The following SCAI variants were observed in gnomAD, a reference collection of about 807,000 sequenced individuals.
The protein encoded by SCAI is protein SCAI.
A neutral mutation model predicts 92.2 loss-of-function variants in SCAI; 24 were observed. That is an observed-to-expected ratio of 0.26 (90% confidence interval 0.19 to 0.37). SCAI has a LOEUF of 0.37. SCAI is among the 10% of genes least tolerant of loss of function. The probability of loss-of-function intolerance (pLI) is 1.00; values close to 1 mark genes in which losing one functional copy is unlikely to be tolerated. For synonymous variants in SCAI, 261 were observed against 258.6 expected (o/e 1.01, Z -0.09); for missense variants, 450 against 736.2 (o/e 0.61, Z 4.50).
At chr9:125,004,329 CT>C (rs563470435) in intron 9 of SCAI, among the ~76,000 whole-genome samples, 27,778 of 134,184 alleles carry the variant, frequency 0.21, 2,580 homozygotes, top group African/African-American at 0.28. Context: ...AGCCCAAATT[CT>C]TTTTTTTTTT....
chr9:124,979,921 G>C (rs181683276), intron 14 of SCAI, among the ~76,000 whole-genome samples: 1 of 151,890 alleles, frequency 6.6e-6, no homozygotes, highest in East Asian at 1.9e-4. Context: ...ATGGTGGCAG[G>C]TGCCTGTAGT....
In SCAI at chr9:125,084,818, T is replaced by C. The variant is rs903122529; in HGVS notation, c.99-28811A>G. Among the ~76,000 whole-genome samples, 4 of 152,310 alleles carry C rather than the reference T, an allele frequency of 2.6e-5. No individual in the cohort carries two copies. In the South Asian group the frequency reaches 8.3e-4, roughly 32 times the overall value. On this transcript the variant is annotated intron_variant, in intron 2 of 17. Coordinates refer to ENST00000336505, the MANE Select transcript of SCAI (RefSeq NM_001144877.3). ...ATTAAAAAGGGGTTATAACATGAGA[T>C]CACCACAACTTTTATTGTTCTTTAT...
At chr9:125,063,680 C>G (rs975004359) in intron 2 of SCAI, among the ~76,000 whole-genome samples, 1 of 144,376 alleles carries the variant, frequency 6.9e-6, no homozygotes, top group African/African-American at 2.5e-5. Flanking sequence ...AAGTCCCCCT[C>G]AAAAAAAAAA....
rs374652324 is a variant in SCAI, at chr9:125,104,816, G to T, written c.98+37817C>A. On this transcript the variant is annotated intron_variant, in intron 2 of 17. Coordinates refer to ENST00000336505, the MANE Select transcript of SCAI (RefSeq NM_001144877.3). ...CTACTAAAAATACAAAAATTAGCCAGGCATGGCAGTGGGCACCTGTAATCC... is the reference window on the plus strand; with the variant it reads ...CTACTAAAAATACAAAAATTAGCCATGCATGGCAGTGGGCACCTGTAATCC... Among the ~76,000 whole-genome samples, 30 of 152,162 alleles carry T rather than the reference G, an allele frequency of 2.0e-4. No individual in the cohort carries two copies. In the East Asian group the frequency reaches 5.2e-3, roughly 26 times the overall value.
At chr9:124,976,013 C>T (rs1018035546) in intron 15 of SCAI, 101 bp downstream of exon 15, 9 of 762,708 alleles carry the variant, frequency 1.2e-5, no homozygotes, top group African/African-American at 1.7e-5. Context: ...TAAATCCACA[C>T]GCGATCATTA....
intron 2 of SCAI, among the ~76,000 whole-genome samples, chr9:125,081,304 T>C (rs1354718314): frequency 6.6e-6 from 1 of 152,212 alleles, no homozygotes; most frequent in East Asian, 1.9e-4. Flanking sequence ...TAGAGACTTG[T>C]TGAATGGCTT....
chr9:125,016,210 T>G (rs912377874), intron 9 of SCAI, among the ~76,000 whole-genome samples: 2 of 142,500 alleles, frequency 1.4e-5, no homozygotes, highest in African/African-American at 2.6e-5. Context: ...TAAAATAAAA[T>G]AATAAATACA....
At chr9:125,137,714 C>T (rs1835569929) in intron 2 of SCAI, among the ~76,000 whole-genome samples, 1 of 152,192 alleles carries the variant, frequency 6.6e-6, no homozygotes, top group Non-Finnish European at 1.5e-5. Context: ...GATTCTCTGG[C>T]CTCAGCCTCC....
intron 3 of SCAI, among the ~76,000 whole-genome samples, chr9:125,047,182 C>T (rs554497812): frequency 1.3e-5 from 2 of 152,024 alleles, no homozygotes; most frequent in Non-Finnish European, 2.9e-5. Flanking sequence ...AAAAAGAAGC[C>T]TTTAGGGAAG....
At chr9:125,085,073 A>G (rs1373102611) in intron 2 of SCAI, among the ~76,000 whole-genome samples, 1 of 152,174 alleles carries the variant, frequency 6.6e-6, no homozygotes, top group Non-Finnish European at 1.5e-5. Flanking sequence ...AAAAGTAACC[A>G]CTTTTTATTA....
chr9:124,948,206 A>T lies in SCAI; in HGVS notation c.*4601T>A, dbSNP rs1831181905. The T allele has an allele frequency of 6.6e-6, 1 of 152,196 alleles. No homozygotes were observed. The highest frequency in any genetic ancestry group is 2.4e-5 in the African/African-American group (1 of 41,444). 9.4% of individuals were successfully genotyped at this position (152,196 alleles called of 1,614,324 possible). On this transcript the variant is annotated 3_prime_UTR_variant, in exon 18 of 18. Transcript: ENST00000336505. ...AAAGGAAATAAAGGGCAGTAGCCAG[A>T]AGTTGGAGGGGAGGGAACCACCCGG...
chr9:125,033,368 G>A (rs767879786), intron 3 of SCAI, among the ~76,000 whole-genome samples: 1 of 151,960 alleles, frequency 6.6e-6, no homozygotes, highest in Admixed American at 6.6e-5. Context: ...GAGAAGCAAC[G>A]ACAATTATAA....
intron 14 of SCAI, among the ~76,000 whole-genome samples, chr9:124,990,354 T>C (rs767260098): frequency 7.9e-5 from 12 of 152,000 alleles, no homozygotes; most frequent in African/African-American, 1.4e-4. Context: ...CCAGGTGTGG[T>C]GGCACGTGCT....
At position 124,976,193 on chromosome 9, in the gene SCAI, T is replaced by C. The variant is rs1831750919; in HGVS notation, c.1327-7A>G. On this transcript the variant is annotated splice_polypyrimidine_tract_variant and splice_region_variant and intron_variant, in intron 14 of 17. Transcript: ENST00000336505. ...CAAACAAGTTTGTGAAATTCTGTAA[T>C]ATATAAGAATTTAAAACTTGCATTA... 3 of 1,580,198 alleles carry C rather than the reference T, an allele frequency of 1.9e-6. No homozygotes were observed. The highest frequency in any genetic ancestry group is 2.2e-5 in the East Asian group (1 of 44,710).
chr9:125,032,195 A>ATATATATATTTTTTTTT (rs1177865840), intron 3 of SCAI, among the ~76,000 whole-genome samples: 2 of 99,474 alleles, frequency 2.0e-5, no homozygotes, highest in African/African-American at 9.5e-5. Flanking sequence ...ATATATATAT[A>ATATATATATTTTTTTTT]TTTTTTTTTT....
intron 2 of SCAI, among the ~76,000 whole-genome samples, chr9:125,058,230 TG>T (rs1588185091): frequency 6.6e-6 from 1 of 151,448 alleles, no homozygotes; most frequent in East Asian, 2.0e-4. Context: ...GGATTGAAAC[TG>T]GGCCAGGTAC....
At position 125,003,204 on chromosome 9, in the gene SCAI, G is replaced by A. The variant is rs1317122603; in HGVS notation, c.975C>T (p.Asp325=). 1.2e-6 allele frequency: 2 copies of A among 1,612,248 alleles called. No individual in the cohort carries two copies. Among genetic ancestry groups the A allele is most frequent in the East Asian group, 2.2e-5 (1 of 44,872 alleles). Residue 325 remains aspartate (D), a synonymous_variant, in exon 11 of 18, where the codon GAC becomes GAT. Coordinates refer to ENST00000336505, the MANE Select transcript of SCAI (RefSeq NM_001144877.3). ...GGGGGTTTTCTCGTCTAGTAGGCTT[G>A]TCAGCTGATTCCTATATTTACACAC... ...MNKPGMQESA[D]KPTRRENPHK...
At chr9:125,013,268 T>C (rs1832676252) in intron 9 of SCAI, among the ~76,000 whole-genome samples, 1 of 151,338 alleles carries the variant, frequency 6.6e-6, no homozygotes, top group Non-Finnish European at 1.5e-5. Flanking sequence ...ATCAACAAAA[T>C]TGATAGACTG....
At chr9:125,115,892 C>T (rs1229000084) in intron 2 of SCAI, among the ~76,000 whole-genome samples, 3 of 152,152 alleles carry the variant, frequency 2.0e-5, no homozygotes, top group African/African-American at 4.8e-5. Context: ...TGTAATTCTT[C>T]TTTAAAGTAC....
Sources: allele counts gnomAD v4.1 joint callset (sites outside exome capture counted in the v4.1 genomes callset), GRCh38; gene constraint gnomAD v4.1.1; transcripts MANE v1.5; gene names NCBI Gene and HGNC (gene_info 2026-07-23, HGNC 2026-07-21).